Variants in CSMD1 observed in about 807,000 individuals in gnomAD.
The protein encoded by CSMD1 is CUB and Sushi multiple domains 1.
CSMD1 carries 213 observed loss-of-function variants against 417.5 expected under a neutral mutation model. The observed-to-expected ratio is 0.51, with a 90% CI of 0.46 to 0.57. The LOEUF is 0.57. Ranked by LOEUF, CSMD1 falls within the 20% of genes least tolerant of loss-of-function variation. The pLI, the probability that CSMD1 is intolerant of heterozygous loss-of-function variation, is 0.00. For missense variants in CSMD1, 6,923 were observed against 4,529.7 expected (o/e 1.53, Z -15.17); for synonymous variants, 2,862 against 1,736.8 (o/e 1.65, Z -16.11).
intron 26 of CSMD1, among the ~76,000 whole-genome samples, chr8:3,233,876 A>G (rs1387164254): frequency 6.6e-6 from 1 of 152,064 alleles, no homozygotes; most frequent in Non-Finnish European, 1.5e-5. Flanking sequence ...TCAAAAATAA[A>G]TTAACAGCTT....
chr8:4,104,504 G>T (rs528182688), intron 3 of CSMD1, among the ~76,000 whole-genome samples: 1 of 152,288 alleles, frequency 6.6e-6, no homozygotes, highest in South Asian at 2.1e-4. Context: ...TGCTTTCACG[G>T]ATTGAGGCCC....
intron 5 of CSMD1, among the ~76,000 whole-genome samples, chr8:3,991,982 A>T (rs1585093709): frequency 6.6e-6 from 1 of 152,262 alleles, no homozygotes; most frequent in African/African-American, 2.4e-5. Flanking sequence ...TTTACAAAAA[A>T]AATACACTAT....
At chr8:4,007,670 T>G (rs983398254) in intron 4 of CSMD1, among the ~76,000 whole-genome samples, 2 of 150,838 alleles carry the variant, frequency 1.3e-5, no homozygotes, top group Non-Finnish European at 3.0e-5. Context: ...GAAGTATTCT[T>G]TCTTCCTCTT....
chr8:3,877,726 A>G (rs574701622), intron 5 of CSMD1, among the ~76,000 whole-genome samples: 14 of 152,210 alleles, frequency 9.2e-5, no homozygotes, highest in Non-Finnish European at 1.5e-4. Context: ...ACAATAAAAT[A>G]GCAAGTTTGA....
chr8:3,094,167 A>G (rs1815142589), intron 47 of CSMD1, among the ~76,000 whole-genome samples: 1 of 151,804 alleles, frequency 6.6e-6, no homozygotes, highest in African/African-American at 2.4e-5. Flanking sequence ...GTGCAATGGT[A>G]CAATCTCGGC....
intron 1 of CSMD1, among the ~76,000 whole-genome samples, chr8:4,778,234 A>G (rs1167880055): frequency 6.6e-6 from 1 of 152,222 alleles, no homozygotes; most frequent in Non-Finnish European, 1.5e-5. Flanking sequence ...TTATTAATGA[A>G]TAATCTATAT....
At chr8:4,165,547 G>A (rs1275288018) in intron 3 of CSMD1, among the ~76,000 whole-genome samples, 1 of 152,114 alleles carries the variant, frequency 6.6e-6, no homozygotes. Flanking sequence ...GGGACCTCCG[G>A]TGCACCACCA....
At chr8:3,588,534 G>T (rs559840960) in intron 8 of CSMD1, among the ~76,000 whole-genome samples, 2 of 152,068 alleles carry the variant, frequency 1.3e-5, no homozygotes, top group Non-Finnish European at 2.9e-5. Flanking sequence ...ATATTTCAAC[G>T]ACTGCAGCAC....
At chr8:3,030,907 T>C (rs1007588099) in intron 50 of CSMD1, among the ~76,000 whole-genome samples, 1 of 152,046 alleles carries the variant, frequency 6.6e-6, no homozygotes, top group Admixed American at 6.6e-5. Flanking sequence ...CAGAAAAATG[T>C]GGCTCTTTTT....
intron 52 of CSMD1, among the ~76,000 whole-genome samples, chr8:3,015,282 A>G (rs1808740237): frequency 1.3e-5 from 2 of 152,122 alleles, no homozygotes; most frequent in Admixed American, 1.3e-4. Flanking sequence ...CATTCTCTTC[A>G]ACATGTCCTG....
chr8:4,812,171 C>A (rs1212378004), intron 1 of CSMD1, among the ~76,000 whole-genome samples: 1 of 152,164 alleles, frequency 6.6e-6, no homozygotes, highest in East Asian at 1.9e-4. Flanking sequence ...GCTTCGTGTG[C>A]AGCGAGATAA....
At chr8:3,498,347 G>T (rs376159461) in intron 10 of CSMD1, among the ~76,000 whole-genome samples, 1 of 152,122 alleles carries the variant, frequency 6.6e-6, no homozygotes, top group African/African-American at 2.4e-5. Flanking sequence ...GATCAAATCA[G>T]GAGAACTGTG....
intron 46 of CSMD1, among the ~76,000 whole-genome samples, chr8:3,098,107 G>C (rs1815456242): frequency 6.6e-6 from 1 of 152,160 alleles, no homozygotes; most frequent in Admixed American, 6.5e-5. Flanking sequence ...GAAACAGTTT[G>C]TGTATAAAAC....
At chr8:4,721,127 A>G (rs1337183265) in intron 1 of CSMD1, among the ~76,000 whole-genome samples, 1 of 152,228 alleles carries the variant, frequency 6.6e-6, no homozygotes, top group African/African-American at 2.4e-5. Flanking sequence ...TTACAAATGC[A>G]ACTCGGCAAT....
chr8:3,227,945 T>G (rs1012761062), intron 27 of CSMD1, among the ~76,000 whole-genome samples: 1 of 151,674 alleles, frequency 6.6e-6, no homozygotes, highest in Non-Finnish European at 1.5e-5. Context: ...TGTTTGTATT[T>G]TTAGTAGAGA....
chr8:3,664,368 T>C (rs561415424), intron 7 of CSMD1, among the ~76,000 whole-genome samples: 13 of 152,356 alleles, frequency 8.5e-5, no homozygotes, highest in Non-Finnish European at 1.3e-4. Flanking sequence ...CTTCATACAA[T>C]GAAGCTTTTT....
chr8:4,298,421 G>C (rs535252588), intron 3 of CSMD1, among the ~76,000 whole-genome samples: 1 of 151,988 alleles, frequency 6.6e-6, no homozygotes, highest in Admixed American at 6.6e-5. Context: ...ACACTAGACT[G>C]TTATACAAAG....
chr8:3,341,739 G>A (rs1807669005), intron 23 of CSMD1, among the ~76,000 whole-genome samples: 1 of 152,118 alleles, frequency 6.6e-6, no homozygotes, highest in Non-Finnish European at 1.5e-5. Context: ...GAACGCCGTA[G>A]GTGTGCATGG....
chr8:3,727,517 A>C (rs933785551), intron 6 of CSMD1, among the ~76,000 whole-genome samples: 2 of 152,238 alleles, frequency 1.3e-5, no homozygotes, highest in African/African-American at 4.8e-5. Context: ...TGCTGGTGTG[A>C]ATGTAAAATG....
Sources: gnomAD v4.1 joint callset for allele counts (sites outside exome capture counted in the v4.1 genomes callset) on GRCh38, gnomAD v4.1.1 for gene constraint, MANE v1.5 for transcripts, NCBI Gene and HGNC (gene_info 2026-07-23, HGNC 2026-07-21) for gene names.